Variants in TM9SF3 observed in about 807,000 individuals in gnomAD.
TM9SF3 encodes the protein transmembrane 9 superfamily member 3.
A neutral mutation model predicts 78.6 loss-of-function variants in TM9SF3; 14 were observed. That is an observed-to-expected ratio of 0.18 (90% CI 0.12 to 0.28). The LOEUF is 0.28. Among genes scored for constraint, TM9SF3 ranks in the 10% least tolerant of loss-of-function variants. The pLI, the probability that TM9SF3 is intolerant of heterozygous loss-of-function variation, is 1.00. For missense variants in TM9SF3, 496 were observed against 721.9 expected, an observed-to-expected ratio of 0.69 and a Z score of 3.59; for synonymous variants, 231 against 241.7, an observed-to-expected ratio of 0.96 and a Z score of 0.41.
chr10:96,571,400 C>T (rs1252738458), intron 2 of TM9SF3, among the ~76,000 whole-genome samples: 4 of 152,112 alleles, frequency 2.6e-5, no homozygotes, highest in Non-Finnish European at 5.9e-5. Flanking sequence ...CAGAGGGGCT[C>T]CAGAATCAGG....
At chr10:96,534,234 A>G (rs987266870) in intron 9 of TM9SF3, among the ~76,000 whole-genome samples, 4 of 152,168 alleles carry the variant, frequency 2.6e-5, no homozygotes, top group Non-Finnish European at 2.9e-5. Context: ...GGGTACTGTC[A>G]TCTCCTTTTC....
At chr10:96,574,458 C>T (rs1848474153) in intron 2 of TM9SF3, among the ~76,000 whole-genome samples, 1 of 152,194 alleles carries the variant, frequency 6.6e-6, no homozygotes, top group Non-Finnish European at 1.5e-5. Flanking sequence ...AACAGGAATG[C>T]TTTTACACTG....
intron 5 of TM9SF3, among the ~76,000 whole-genome samples, chr10:96,554,192 C>G (rs1848207338): frequency 6.6e-6 from 1 of 152,146 alleles, no homozygotes; most frequent in Non-Finnish European, 1.5e-5. Context: ...CCTGGCACAT[C>G]ATAAACACTA....
At chr10:96,530,934 CAGGCATTTATTCACAAAAAGCCAAA>C (rs1847887235) in intron 10 of TM9SF3, among the ~76,000 whole-genome samples, 1 of 152,168 alleles carries the variant, frequency 6.6e-6, no homozygotes, top group African/African-American at 2.4e-5. Flanking sequence ...TAGAACTCTA[CAGGCATTTATTCACAAAAAGCCAAA>C]GGGAAAGAAA....
chr10:96,547,831 A>C, intron 8 of TM9SF3, 64 bp downstream of exon 8: 1 of 1,417,614 alleles, frequency 7.1e-7, no homozygotes, highest in Non-Finnish European at 9.9e-7. Context: ...ACAAACAAAA[A>C]AAATCTCATA....
chr10:96,558,516 T>C (rs1265562733), intron 5 of TM9SF3, among the ~76,000 whole-genome samples: 1 of 151,640 alleles, frequency 6.6e-6, no homozygotes. Flanking sequence ...CATGATGGTG[T>C]GTGCCTGTAA....
chr10:96,528,753 C>A (rs1847865314), intron 11 of TM9SF3, among the ~76,000 whole-genome samples: 1 of 152,104 alleles, frequency 6.6e-6, no homozygotes, highest in South Asian at 2.1e-4. Context: ...CTTTCACCCT[C>A]TTTTTCTTAG....
chr10:96,576,869 C>A (rs201979801), intron 1 of TM9SF3, 40 bp from the exon 2 acceptor site: 17,243 of 1,075,178 alleles, frequency 0.016, 73 homozygotes, highest in Non-Finnish European at 0.02. Flanking sequence ...AAAAAAAAAA[C>A]ACACTAATTC....
At chr10:96,551,205 G>A (rs1242252132) in intron 7 of TM9SF3, 40 bp downstream of exon 7, 3 of 1,475,914 alleles carry the variant, frequency 2.0e-6, no homozygotes, top group Non-Finnish European at 2.7e-6. Context: ...AACTATTTAA[G>A]AACAATAAAG....
At chr10:96,561,947 A>AC in intron 4 of TM9SF3, 31 bp downstream of exon 4, 1 of 1,574,668 alleles carries the variant, frequency 6.4e-7, no homozygotes, top group Non-Finnish European at 8.6e-7. Flanking sequence ...CACAAACACT[A>AC]CTTCCTACAT....
intron 9 of TM9SF3, among the ~76,000 whole-genome samples, chr10:96,533,876 A>G (rs1847924504): frequency 6.6e-6 from 1 of 152,236 alleles, no homozygotes. Flanking sequence ...AAAGTGGCCA[A>G]TTAGAAACAT....
At chr10:96,523,782 C>T (rs1187944860) in intron 14 of TM9SF3, among the ~76,000 whole-genome samples, 1 of 151,850 alleles carries the variant, frequency 6.6e-6, no homozygotes, top group Non-Finnish European at 1.5e-5. Flanking sequence ...TAAAAATAAA[C>T]TGCAAGTGAG....
chr10:96,545,607 T>C (rs982591865), intron 8 of TM9SF3, among the ~76,000 whole-genome samples: 6 of 152,172 alleles, frequency 3.9e-5, no homozygotes, highest in African/African-American at 1.4e-4. Context: ...AACAAAACTG[T>C]GGCCGGGCGT....
chr10:96,552,350 G>A (rs1848180884), intron 6 of TM9SF3, among the ~76,000 whole-genome samples: 1 of 152,080 alleles, frequency 6.6e-6, no homozygotes, highest in Non-Finnish European at 1.5e-5. Context: ...TCAGGAGGCT[G>A]AGGTGGCACG....
At chr10:96,542,336 G>A (rs1848043837) in intron 9 of TM9SF3, among the ~76,000 whole-genome samples, 1 of 152,106 alleles carries the variant, frequency 6.6e-6, no homozygotes. Flanking sequence ...AATATTGTAG[G>A]AGCCTGCCAA....
At chr10:96,545,891 AAATC>A (rs10602624) in intron 8 of TM9SF3, among the ~76,000 whole-genome samples, 89,483 of 150,798 alleles carry the variant, frequency 0.59, 28,026 homozygotes, top group East Asian at 0.83. Context: ...CTCCATCTCA[AAATC>A]AATCAATCAA....
intron 2 of TM9SF3, among the ~76,000 whole-genome samples, chr10:96,570,287 T>G (rs867250647): frequency 6.6e-6 from 1 of 152,186 alleles, no homozygotes; most frequent in Non-Finnish European, 1.5e-5. Flanking sequence ...TTCACATATT[T>G]AAAACAATGT....
At position 96,559,639 on chromosome 10, in the gene TM9SF3, A is replaced by C. The variant is rs771488714; in HGVS notation, c.660+20T>G. 6.5e-7 allele frequency: 1 copy of C among 1,547,232 alleles called. No homozygotes were observed. The highest frequency in any genetic ancestry group is 8.8e-7 in the Non-Finnish European group (1 of 1,135,054). On this transcript the variant is annotated intron_variant, in intron 5 of 14. Transcript: ENST00000371142. Reference sequence around the variant, plus strand: ...AATTGGTGCACATAATCAATGTCTTAAAATACACTATTTACCTACCCGATG... The same window carrying C: ...AATTGGTGCACATAATCAATGTCTTCAAATACACTATTTACCTACCCGATG...
At position 96,552,942 on chromosome 10, in the gene TM9SF3, C is replaced by T; in HGVS notation, c.778G>A (p.Glu260Lys). ...TGTTTACTCACCATATCATCCATTT[C>T]TTCCTCTTTACTGTACCGAGCATAA... ...KDYARYSKEE[E>K]MDDMDRDLGD... Residue 260 changes from glutamate (E) to lysine (K), a missense_variant, in exon 6 of 15, where the codon GAA becomes AAA. Physicochemically the swap from Glu to Lys is moderately conservative, Grantham distance 56 (BLOSUM62 1). Around this residue, in one of 4 missense-constraint regions of TM9SF3, gnomAD observed 280 missense variants for 422.6 expected, o/e 0.66. Coordinates refer to ENST00000371142, the MANE Select transcript of TM9SF3 (RefSeq NM_020123.4). 1 of 1,552,992 alleles carries T rather than the reference C, an allele frequency of 6.4e-7. No individual in the cohort carries two copies. Among genetic ancestry groups the T allele is most frequent in the Non-Finnish European group, 8.6e-7 (1 of 1,156,782 alleles).
Sources: allele counts gnomAD v4.1 joint callset (sites outside exome capture counted in the v4.1 genomes callset), GRCh38; gene constraint gnomAD v4.1.1; regional missense constraint gnomAD v4.1.1; transcripts MANE v1.5; gene names NCBI Gene and HGNC (gene_info 2026-07-23, HGNC 2026-07-21).